Variants in MICU1 observed in about 807,000 individuals in gnomAD.
MICU1 encodes mitochondrial calcium uptake 1.
Under a neutral mutation model 56.8 loss-of-function variants are expected in MICU1, and 45 were observed. The observed-to-expected ratio is 0.79, with a 90% CI of 0.62 to 1.02. The LOEUF (loss-of-function observed/expected upper bound fraction) is 1.02, where lower values mean the gene tolerates loss of function less well. Ranked by LOEUF, MICU1 falls within the 50% of genes least tolerant of loss-of-function variation. The pLI, the probability that MICU1 is intolerant of heterozygous loss-of-function variation, is 0.00. For synonymous variants in MICU1, 186 were observed against 195.1 expected (o/e 0.95, Z 0.39); for missense variants, 504 against 587.1 (o/e 0.86, Z 1.46).
In MICU1 at chr10:72,505,003, G is replaced by T. The variant is rs562203083; in HGVS notation, c.652+3152C>A. ...ATTATTATTTTCGAGATGGAGTTTT[G>T]CACTGTCTCTCAGGCTGGAGTGCAG... On this transcript the variant is annotated intron_variant, in intron 6 of 11. Coordinates refer to ENST00000361114, the MANE Select transcript of MICU1 (RefSeq NM_001195518.2). Among the ~76,000 whole-genome samples, 15 of 151,732 alleles carry T rather than the reference G, an allele frequency of 9.9e-5. 1 individual carries two copies. In the South Asian group the frequency reaches 2.3e-3, roughly 23 times the overall value.
intron 1 of MICU1, among the ~76,000 whole-genome samples, chr10:72,568,338 T>C (rs1315290943): frequency 3.3e-5 from 5 of 152,226 alleles, no homozygotes; most frequent in East Asian, 3.8e-4. Flanking sequence ...TTCTACTTTT[T>C]TCTTCCCCTT....
At chr10:72,554,795 A>G (rs1840118197) in intron 3 of MICU1, among the ~76,000 whole-genome samples, 1 of 152,176 alleles carries the variant, frequency 6.6e-6, no homozygotes, top group Non-Finnish European at 1.5e-5. Flanking sequence ...CGGGTGGATC[A>G]CTTGAGGTCA....
At chr10:72,420,223 C>G (rs1423709720) in intron 9 of MICU1, among the ~76,000 whole-genome samples, 1 of 152,140 alleles carries the variant, frequency 6.6e-6, no homozygotes, top group Non-Finnish European at 1.5e-5. Flanking sequence ...CCACGCCGGG[C>G]TAACTTTTTG....
chr10:72,609,162 T>C (rs1841770137), intron 1 of MICU1, among the ~76,000 whole-genome samples: 1 of 152,038 alleles, frequency 6.6e-6, no homozygotes, highest in African/African-American at 2.4e-5. Flanking sequence ...GTACCTAAAA[T>C]AGTAAAAGTT....
At chr10:72,390,150 GT>G (rs948290009) in intron 10 of MICU1, among the ~76,000 whole-genome samples, 68 of 151,632 alleles carry the variant, frequency 4.5e-4, no homozygotes, top group African/African-American at 1.6e-3. Flanking sequence ...TAAATTTGAT[GT>G]TTTTTTCAAA....
chr10:72,612,681 G>A (rs1013282720), intron 1 of MICU1, among the ~76,000 whole-genome samples: 3 of 152,046 alleles, frequency 2.0e-5, no homozygotes, highest in African/African-American at 7.2e-5. Flanking sequence ...CATGCATGTA[G>A]TCATAGCTAT....
At chr10:72,557,200 T>C (rs1188723537) in intron 3 of MICU1, among the ~76,000 whole-genome samples, 1 of 152,140 alleles carries the variant, frequency 6.6e-6, no homozygotes, top group Non-Finnish European at 1.5e-5. Context: ...TAAAATGAAA[T>C]TGTCTTTCTC....
chr10:72,402,565 TA>T (rs1171168970), intron 10 of MICU1, among the ~76,000 whole-genome samples: 1 of 150,576 alleles, frequency 6.6e-6, no homozygotes, highest in Non-Finnish European at 1.5e-5. Context: ...TTAGGTATAT[TA>T]AAAAAAACAA....
At chr10:72,598,087 A>G (rs929694349) in intron 1 of MICU1, among the ~76,000 whole-genome samples, 1 of 152,190 alleles carries the variant, frequency 6.6e-6, no homozygotes, top group African/African-American at 2.4e-5. Flanking sequence ...AATTAGTATT[A>G]GAGATATGAA....
chr10:72,515,273 G>C (rs1254149098), intron 5 of MICU1, among the ~76,000 whole-genome samples: 1 of 152,168 alleles, frequency 6.6e-6, no homozygotes, highest in Non-Finnish European at 1.5e-5. Flanking sequence ...GTTGTTTTAA[G>C]TCTTTCGTTA....
At chr10:72,498,222 T>A (rs745715398) in intron 6 of MICU1, among the ~76,000 whole-genome samples, 2 of 152,184 alleles carry the variant, frequency 1.3e-5, no homozygotes, top group Non-Finnish European at 2.9e-5. Context: ...GCAGAAAATT[T>A]AGCCTGTTTT....
intron 4 of MICU1, among the ~76,000 whole-genome samples, chr10:72,534,430 T>C (rs569305188): frequency 1.3e-5 from 2 of 152,278 alleles, no homozygotes; most frequent in East Asian, 3.9e-4. Context: ...GATCAATAAA[T>C]ATCTGTAAAA....
intron 5 of MICU1, among the ~76,000 whole-genome samples, chr10:72,522,041 C>G (rs1287669350): frequency 6.6e-6 from 1 of 151,854 alleles, no homozygotes; most frequent in African/African-American, 2.4e-5. Context: ...ATACATCATG[C>G]CAAAAACAAA....
At chr10:72,564,225 C>G (rs1840369162) in intron 2 of MICU1, among the ~76,000 whole-genome samples, 1 of 152,050 alleles carries the variant, frequency 6.6e-6, no homozygotes, top group African/African-American at 2.4e-5. Context: ...TCAGACACTG[C>G]ACAGTATGCA....
intron 10 of MICU1, among the ~76,000 whole-genome samples, chr10:72,404,793 C>A (rs1320711678): frequency 6.6e-6 from 1 of 152,104 alleles, no homozygotes; most frequent in Non-Finnish European, 1.5e-5. Context: ...ATTGGCAAGT[C>A]CAGATAGTTT....
At position 72,377,981 on chromosome 10, in the gene MICU1, G is replaced by A. The variant is rs372843969; in HGVS notation, c.1181-2109C>T. On this transcript the variant is annotated intron_variant, in intron 10 of 11. Coordinates refer to ENST00000361114, the MANE Select transcript of MICU1 (RefSeq NM_001195518.2). ...TTGTAATTCCCAGGCCAGGCGTGGTGGCTTACACCTGTAATCCCAGCACTT... is the reference window on the plus strand; with the variant it reads ...TTGTAATTCCCAGGCCAGGCGTGGTAGCTTACACCTGTAATCCCAGCACTT... 1.7e-4 allele frequency among the ~76,000 whole-genome samples: 26 copies of A among 152,292 alleles called. No individual in the cohort carries two copies. The South Asian group carries it at 3.7e-3, about 22-fold the overall frequency.
chr10:72,423,363 G>A lies in MICU1; in HGVS notation c.942C>T (p.Arg314=). 6.2e-7 allele frequency: 1 copy of A among 1,613,646 alleles called. No individual in the cohort carries two copies. Among genetic ancestry groups the A allele is most frequent in the South Asian group, 1.1e-5 (1 of 91,042 alleles). ...TAATTCTCCCATCCACAGGGTCATG[G>A]CGTTCAAACTGGGAGGGAAACAGAA... ...QHDVLKLEFE[R]HDPVDGRITE... Residue 314 remains arginine, a synonymous_variant, in exon 9 of 12, where the codon CGC becomes CGT. Transcript: ENST00000361114.
intron 10 of MICU1, among the ~76,000 whole-genome samples, chr10:72,405,779 T>C (rs939866926): frequency 8.5e-5 from 13 of 152,130 alleles, no homozygotes; most frequent in Admixed American, 5.2e-4. Context: ...AGAAAAAAAT[T>C]TGACAAAATA....
At chr10:72,456,984 TGTTTTG>T (rs1340413595) in intron 8 of MICU1, among the ~76,000 whole-genome samples, 9 of 148,124 alleles carry the variant, frequency 6.1e-5, no homozygotes, top group East Asian at 3.9e-4. Context: ...TGTGTGTGTG[TGTTTTG>T]TTTGTTTGTT....
Sources: allele counts gnomAD v4.1 joint callset (sites outside exome capture counted in the v4.1 genomes callset), GRCh38; gene constraint gnomAD v4.1.1; transcripts MANE v1.5; gene names NCBI Gene and HGNC (gene_info 2026-07-23, HGNC 2026-07-21).